Variants in FER1L6 observed in about 807,000 individuals in gnomAD.
FER1L6 encodes fer-1-like protein 6.
A neutral mutation model predicts 219.2 loss-of-function variants in FER1L6; 177 were observed. The observed-to-expected ratio is 0.81, with a 90% confidence interval of 0.71 to 0.91. The LOEUF (loss-of-function observed/expected upper bound fraction) is 0.91, where lower values mean the gene tolerates loss of function less well. Ranked by LOEUF, FER1L6 falls within the 40% of genes least tolerant of loss-of-function variation. The pLI is 0.00. For missense variants in FER1L6, 2,153 were observed against 2,259.9 expected (o/e 0.95, Z 0.96); for synonymous variants, 768 against 824.3 (o/e 0.93, Z 1.17).
At position 124,045,739 on chromosome 8, in the gene FER1L6, T is replaced by C. The variant is rs777283598; in HGVS notation, c.2590-28T>C. 5 of 1,613,260 alleles carry C rather than the reference T, an allele frequency of 3.1e-6. No individual in the cohort carries two copies. In the Admixed American group the frequency reaches 8.3e-5, roughly 27 times the overall value. ...CCCCTATAACTCAATTGAATGATCT[T>C]TTGCTTTTCTTTGGTCCCTGCTTCC... On this transcript the variant is annotated intron_variant, in intron 20 of 40. Transcript: ENST00000522917.
At chr8:123,968,151 G>A (rs538308048) in intron 5 of FER1L6, among the ~76,000 whole-genome samples, 139 of 152,058 alleles carry the variant, frequency 9.1e-4, no homozygotes, top group Non-Finnish European at 1.8e-3. Context: ...CTTGTTCCAC[G>A]CTCTACCCCC....
At chr8:124,003,451 CTTTTTTTTTTTTTTTTTT>C (rs71289633) in intron 13 of FER1L6, 104 bp downstream of exon 13, 6 of 111,754 alleles carry the variant, frequency 5.4e-5, no homozygotes, top group Non-Finnish European at 7.0e-5. Flanking sequence ...CAGAAATGTC[CTTTTTTTTTTTTTTTTTT>C]TTTTTTTTTT....
Position 123,975,153 on chromosome 8 carries a change from A to G in FER1L6, c.530A>G (p.His177Arg). ...DLGTVYNQPG[H>R]QFCNKWALLT... ...AGCTGTCAGGGTGCTTTCACAGGTCATCAGTTCTGCAACAAGTGGGCCCTG... is the reference window on the plus strand; with the variant it reads ...AGCTGTCAGGGTGCTTTCACAGGTCGTCAGTTCTGCAACAAGTGGGCCCTG... Residue 177 changes from histidine (H) to arginine (R), a missense_variant, in exon 8 of 41, where the codon CAT becomes CGT. Coordinates refer to ENST00000522917, the MANE Select transcript of FER1L6 (RefSeq NM_001039112.2). 2 of 1,595,872 alleles carry G rather than the reference A, an allele frequency of 1.3e-6. No individual in the cohort carries two copies. The highest frequency in any genetic ancestry group is 1.7e-6 in the Non-Finnish European group (2 of 1,170,222).
chr8:123,977,310 G>A (rs999562916), intron 9 of FER1L6, 107 bp from the exon 10 acceptor site: 21 of 1,144,178 alleles, frequency 1.8e-5, no homozygotes, highest in Middle Eastern at 3.0e-4. Context: ...GTCAGAAGCA[G>A]GTTCATTATC....
At chr8:124,054,229 C>T (rs545274243) in intron 22 of FER1L6, among the ~76,000 whole-genome samples, 1 of 152,186 alleles carries the variant, frequency 6.6e-6, no homozygotes, top group South Asian at 2.1e-4. Context: ...GGTGTTACCA[C>T]CCCTCTCTCC....
chr8:123,884,445 C>G (rs1445174892), intron 1 of FER1L6, among the ~76,000 whole-genome samples: 1 of 152,154 alleles, frequency 6.6e-6, no homozygotes, highest in Non-Finnish European at 1.5e-5. Flanking sequence ...TGGGGAGGTG[C>G]CTGGGGAAGG....
Position 123,978,855 on chromosome 8 carries a change from G to T in FER1L6, c.1063+1246G>T, listed in dbSNP as rs976065530. ...CCTTTGTCTAAATCTTTACATTATG[G>T]AAGTGTTTGCCACAAGATTGCTATA... On this transcript the variant is annotated intron_variant, in intron 10 of 40. Transcript: ENST00000522917. Among the ~76,000 whole-genome samples the T allele has an allele frequency of 2.0e-5, 3 of 152,134 alleles. No homozygotes were observed. In the South Asian group the frequency reaches 6.2e-4, roughly 32 times the overall value.
rs1230380028 is a variant in FER1L6, at chr8:124,097,811, A to T, written c.4811A>T (p.Asn1604Ile). 1.2e-6 allele frequency: 2 copies of T among 1,604,098 alleles called. No homozygotes were observed. Among genetic ancestry groups the T allele is most frequent in the Non-Finnish European group, 1.7e-6 (2 of 1,170,744 alleles). The change falls in exon 37 of 41, where the codon AAC becomes ATC. Residue 1604 changes from asparagine to isoleucine, a missense_variant. By Grantham distance (149) the Asn-to-Ile change is moderately radical. Coordinates refer to ENST00000522917, the MANE Select transcript of FER1L6 (RefSeq NM_001039112.2). ...KGYELRVTIW[N>I]TEDVILEDEN... ...TACGAATTGAGAGTGACCATCTGGA[A>T]CACTGAAGATGTCATTTTAGAGGAT... is the stretch of plus-strand genomic sequence containing the variant.
At chr8:123,990,337 C>G (rs936451228) in intron 12 of FER1L6, among the ~76,000 whole-genome samples, 1 of 152,186 alleles carries the variant, frequency 6.6e-6, no homozygotes, top group Non-Finnish European at 1.5e-5. Flanking sequence ...TTTACATTCC[C>G]ACCAGCAGTC....
Position 123,969,057 on chromosome 8 carries a change from T to C in FER1L6, c.385-978T>C, listed in dbSNP as rs185870006. 1.1e-4 allele frequency among the ~76,000 whole-genome samples: 16 copies of C among 152,342 alleles called. No individual in the cohort carries two copies. In the East Asian group the frequency reaches 3.1e-3, roughly 29 times the overall value. ...TACAACCTTGAGTTTGGGAGGATCT[T>C]GACTCAAGAGTCAGATGGTGAAATA... On this transcript the variant is annotated intron_variant, in intron 5 of 40. Transcript: ENST00000522917.
At position 124,119,878 on chromosome 8, in the gene FER1L6, C is replaced by T. The variant is rs535254972; in HGVS notation, c.*88C>T. ...CTAAGAACATGTCCCATGCATGGCA[C>T]TGTGCTGAGTGCTAAGGGGACAGAT... On this transcript the variant is annotated 3_prime_UTR_variant, in exon 41 of 41. Transcript: ENST00000522917. The T allele has an allele frequency of 1.4e-6, 2 of 1,387,904 alleles. No individual in the cohort carries two copies. Among genetic ancestry groups the T allele is most frequent in the South Asian group, 1.3e-5 (1 of 75,842 alleles). The allele number at this position is 1,387,904 out of a possible 1,614,324, so 86.0% of individuals were successfully genotyped here. A position where few individuals can be genotyped will look rare whatever the true frequency, so the allele number is the denominator to read the frequency against.
At chr8:123,985,950 G>T in intron 11 of FER1L6, 118 bp from the exon 12 acceptor site, 1 of 633,918 alleles carries the variant, frequency 1.6e-6, no homozygotes, top group Non-Finnish European at 2.8e-6. Flanking sequence ...GCCATTTCAG[G>T]CTGAAACAGA....
chr8:123,979,042 A>C (rs1816212084), intron 10 of FER1L6, among the ~76,000 whole-genome samples: 1 of 152,204 alleles, frequency 6.6e-6, no homozygotes, highest in Non-Finnish European at 1.5e-5. Context: ...CCTTTTCAAT[A>C]CAATATTCTT....
At position 124,088,850 on chromosome 8, in the gene FER1L6, T is replaced by A. The variant is rs539451443; in HGVS notation, c.4392-2573T>A. On this transcript the variant is annotated intron_variant, in intron 33 of 40. Coordinates refer to ENST00000522917, the MANE Select transcript of FER1L6 (RefSeq NM_001039112.2). ...AGACTCTGCCTTGTGCTGTATTTAC[T>A]GTAGCTGAGCTGGTATTCAAGGTGC... 6.6e-5 allele frequency among the ~76,000 whole-genome samples: 10 copies of A among 152,146 alleles called. No homozygotes were observed. The South Asian group carries it at 1.9e-3, about 28-fold the overall frequency.
chr8:124,062,178 T>C (rs1247612301), intron 25 of FER1L6, 146 bp downstream of exon 25: 3 of 775,726 alleles, frequency 3.9e-6, no homozygotes, highest in African/African-American at 3.5e-5. Flanking sequence ...TGCAGGGGCC[T>C]CTGCTTTCTT....
rs76046669 is a variant in FER1L6, at chr8:123,968,177, A to G, written c.385-1858A>G. Among the ~76,000 whole-genome samples, 560 of 152,264 alleles carry G rather than the reference A, an allele frequency of 3.7e-3. 4 individuals carry two copies. The highest frequency in any genetic ancestry group is 0.013 in the African/African-American group (532 of 41,530). On this transcript the variant is annotated intron_variant, in intron 5 of 40. Coordinates refer to ENST00000522917, the MANE Select transcript of FER1L6 (RefSeq NM_001039112.2). ...CTCTACCCCCAGAAGAGCTTTTGGC[A>G]TGGATGTAATATGAGATAATATATG...
At position 123,980,557 on chromosome 8, in the gene FER1L6, G is replaced by A. The variant is rs574021865; in HGVS notation, c.1156G>A (p.Gly386Ser). Residue 386 changes from glycine (G) to serine (S), a missense_variant, in exon 11 of 41, where the codon GGC becomes AGC. By Grantham distance (56) the Gly-to-Ser change is moderately conservative. Coordinates refer to ENST00000522917, the MANE Select transcript of FER1L6 (RefSeq NM_001039112.2). ...GGATGACTACCAGGAAATGAACGAA[G>A]GCTTTGGGGAAGGTGTGTCATTCAG... ...LMDDYQEMNE[G>S]FGEGVSFRGR... 9 of 1,614,146 alleles carry A rather than the reference G, an allele frequency of 5.6e-6. No homozygotes were observed. The South Asian group carries it at 9.9e-5, about 18-fold the overall frequency.
chr8:124,051,270 A>G (rs1820013128), intron 22 of FER1L6, among the ~76,000 whole-genome samples: 1 of 152,192 alleles, frequency 6.6e-6, no homozygotes, highest in African/African-American at 2.4e-5. Flanking sequence ...CCCAGTCTAT[A>G]GAATTCTATT....
intron 1 of FER1L6, among the ~76,000 whole-genome samples, chr8:123,943,892 T>C (rs1465228301): frequency 6.6e-6 from 1 of 151,900 alleles, no homozygotes; most frequent in Admixed American, 6.6e-5. Context: ...CTCTCCGAGG[T>C]GAGGTGTTCT....
Sources: gnomAD v4.1 joint callset for allele counts (sites outside exome capture counted in the v4.1 genomes callset) on GRCh38, gnomAD v4.1.1 for gene constraint, MANE v1.5 for transcripts, NCBI Gene and HGNC (gene_info 2026-07-23, HGNC 2026-07-21) for gene names.